Variants in ZSCAN5A observed in about 807,000 individuals in gnomAD.
ZSCAN5A encodes the protein zinc finger and SCAN domain containing 5A.
Under a neutral mutation model 23.7 loss-of-function variants are expected in ZSCAN5A, and 12 were observed. The observed-to-expected ratio is 0.51, with a 90% CI of 0.32 to 0.82. ZSCAN5A has a LOEUF of 0.82. ZSCAN5A is among the 40% of genes least tolerant of loss of function. The pLI is 0.03. For synonymous variants in ZSCAN5A, 257 were observed against 239.9 expected (o/e 1.07, Z -0.66); for missense variants, 597 against 617.9 (o/e 0.97, Z 0.36).
intron 2 of ZSCAN5A, among the ~76,000 whole-genome samples, chr19:56,331,622 C>T (rs567894612): frequency 3.5e-5 from 4 of 115,184 alleles, no homozygotes; most frequent in Admixed American, 1.2e-4. Context: ...GAGTCTCGCT[C>T]TGTCACCCAG....
chr19:56,353,642 C>T (rs1026654995), intron 2 of ZSCAN5A, among the ~76,000 whole-genome samples: 1 of 151,834 alleles, frequency 6.6e-6, no homozygotes, highest in Non-Finnish European at 1.5e-5. Context: ...ATTAGCTGCG[C>T]GTGGTGGCAG....
At chr19:56,251,257 T>C (rs1221186335) in intron 2 of ZSCAN5A, among the ~76,000 whole-genome samples, 1 of 152,130 alleles carries the variant, frequency 6.6e-6, no homozygotes, top group East Asian at 1.9e-4. Context: ...TGGGGGTGCC[T>C]TTCTCCATGA....
At chr19:56,356,674 T>A (rs2041702458) in intron 2 of ZSCAN5A, among the ~76,000 whole-genome samples, 1 of 148,722 alleles carries the variant, frequency 6.7e-6, no homozygotes. Context: ...AAACCAAGAG[T>A]GTATAACTGA....
chr19:56,304,725 G>C, intron 2 of ZSCAN5A: 1 of 938,684 alleles, frequency 1.1e-6, no homozygotes, highest in Non-Finnish European at 1.3e-6. Flanking sequence ...AGGGAGGTAA[G>C]GAAGGAATTC....
intron 2 of ZSCAN5A, chr19:56,283,913 G>C (rs1337425854): frequency 6.6e-6 from 1 of 150,916 alleles, no homozygotes; most frequent in African/African-American, 2.4e-5. Context: ...AACGGTTCAT[G>C]ATTACTGTCC....
intron 2 of ZSCAN5A, chr19:56,302,716 C>G (rs1313735902): frequency 2.7e-6 from 1 of 367,918 alleles, no homozygotes; most frequent in Non-Finnish European, 4.8e-6. Context: ...TCCTTCTTCC[C>G]TCCCTCCCAC....
At chr19:56,230,992 C>T (rs1010354980) in intron 2 of ZSCAN5A, among the ~76,000 whole-genome samples, 1 of 152,126 alleles carries the variant, frequency 6.6e-6, no homozygotes, top group Non-Finnish European at 1.5e-5. Context: ...GTAACGTACA[C>T]AGCTGAAAGC....
intron 2 of ZSCAN5A, among the ~76,000 whole-genome samples, chr19:56,311,308 T>C (rs999216059): frequency 1.3e-5 from 2 of 152,244 alleles, no homozygotes; most frequent in African/African-American, 2.4e-5. Context: ...TTATCACATC[T>C]TTCCCACTGA....
chr19:56,331,645 T>G (rs780407734), intron 2 of ZSCAN5A, among the ~76,000 whole-genome samples: 4 of 139,626 alleles, frequency 2.9e-5, no homozygotes, highest in African/African-American at 5.5e-5. Context: ...TGGAGTGTAA[T>G]GGTGTGATCT....
chr19:56,313,101 G>C (rs1568742484), intron 2 of ZSCAN5A, among the ~76,000 whole-genome samples, 182 bp downstream of exon 2: 2 of 152,202 alleles, frequency 1.3e-5, no homozygotes, highest in Admixed American at 6.5e-5. Context: ...TTTTCTTACA[G>C]CAACTCATGT....
At chr19:56,348,443 G>A (rs553093081) in intron 2 of ZSCAN5A, among the ~76,000 whole-genome samples, 1 of 152,268 alleles carries the variant, frequency 6.6e-6, no homozygotes, top group Admixed American at 6.5e-5. Context: ...ACATAATGTA[G>A]CAGAATCACG....
At chr19:56,239,146 G>A (rs2035212877) in intron 2 of ZSCAN5A, among the ~76,000 whole-genome samples, 1 of 152,088 alleles carries the variant, frequency 6.6e-6, no homozygotes, top group Non-Finnish European at 1.5e-5. Context: ...TCTATTCACA[G>A]GGAGCTTGAA....
chr19:56,336,987 G>T (rs968793246), intron 2 of ZSCAN5A, among the ~76,000 whole-genome samples: 15 of 152,190 alleles, frequency 9.9e-5, no homozygotes, highest in African/African-American at 3.6e-4. Context: ...GTGTCAGTCT[G>T]CCCCTACTGG....
At chr19:56,237,445 G>C (rs2146564566) in intron 2 of ZSCAN5A, among the ~76,000 whole-genome samples, 1 of 152,334 alleles carries the variant, frequency 6.6e-6, no homozygotes, top group South Asian at 2.1e-4. Flanking sequence ...TTGCCCAACT[G>C]TAGGGGAAGG....
In ZSCAN5A at chr19:56,291,251, G is replaced by A. The variant is rs189856804; in HGVS notation, c.-128+22032C>T. Reference sequence around the variant, plus strand: ...TTCCTCAAGCTCCCTCCTGACCCTCGGGGGAGAAATGAGAGAGAACCCTGG... The same window carrying A: ...TTCCTCAAGCTCCCTCCTGACCCTCAGGGGAGAAATGAGAGAGAACCCTGG... On this transcript the variant is annotated intron_variant, in intron 2 of 5. Transcript: ENST00000683990. 1.7e-4 allele frequency among the ~76,000 whole-genome samples: 26 copies of A among 152,282 alleles called. No individual in the cohort carries two copies. In the East Asian group the frequency reaches 3.5e-3, roughly 20 times the overall value.
intron 2 of ZSCAN5A, among the ~76,000 whole-genome samples, chr19:56,324,919 T>A (rs771626920): frequency 6.6e-6 from 1 of 152,224 alleles, no homozygotes; most frequent in African/African-American, 2.4e-5. Flanking sequence ...AAAGTTGACC[T>A]TTTTGTGTTC....
chr19:56,261,365 A>C (rs902313873), intron 2 of ZSCAN5A, among the ~76,000 whole-genome samples: 1 of 152,154 alleles, frequency 6.6e-6, no homozygotes, highest in Non-Finnish European at 1.5e-5. Flanking sequence ...ACAGGCATCT[A>C]ATCTGCCTCC....
At chr19:56,267,484 A>G (rs1271904172) in intron 2 of ZSCAN5A, among the ~76,000 whole-genome samples, 3 of 152,250 alleles carry the variant, frequency 2.0e-5, no homozygotes, top group South Asian at 2.1e-4. Context: ...TTAGATTTAC[A>G]TGCTTCATAA....
intron 2 of ZSCAN5A, among the ~76,000 whole-genome samples, chr19:56,229,490 G>A (rs150997277): frequency 3.2e-4 from 48 of 152,298 alleles, no homozygotes; most frequent in African/African-American, 9.6e-4. Flanking sequence ...CCACTGAGGT[G>A]TTGACTCTAA....
Sources: allele counts gnomAD v4.1 joint callset (sites outside exome capture counted in the v4.1 genomes callset), GRCh38; gene constraint gnomAD v4.1.1; transcripts MANE v1.5; gene names NCBI Gene and HGNC (gene_info 2026-07-23, HGNC 2026-07-21).